OTOA: variants seen among roughly 807,000 people sequenced by gnomAD.
OTOA encodes cancer/testis antigen 108.
In OTOA, 70 loss-of-function variants were observed where a neutral mutation model predicts 110.8. The ratio of observed to expected loss-of-function variants is 0.63; its 90% CI spans 0.52 to 0.77. The LOEUF is 0.77. Ranked by LOEUF, OTOA falls within the 30% of genes least tolerant of loss-of-function variation. OTOA has a pLI of 0.00. For missense variants in OTOA, 917 were observed against 1,075.8 expected (o/e 0.85, Z 2.06); for synonymous variants, 373 against 431.5 (o/e 0.86, Z 1.68).
At chr16:21,665,013 T>TAAATAAACAAAC (rs1472493254) in intron 1 of OTOA, among the ~76,000 whole-genome samples, 12 of 151,574 alleles carry the variant, frequency 7.9e-5, no homozygotes, top group African/African-American at 2.9e-4. Flanking sequence ...AATAAATAAA[T>TAAATAAACAAAC]AAACAAATAA....
chr16:21,700,835 C>G (rs2141675558), intron 10 of OTOA, 53 bp from the exon 11 acceptor site: 2 of 1,611,746 alleles, frequency 1.2e-6, no homozygotes, highest in Non-Finnish European at 1.7e-6. Context: ...TGGGGCCACA[C>G]TGGGCCACTT....
At chr16:21,685,182 C>G in intron 6 of OTOA, 48 bp from the exon 7 acceptor site, 1 of 1,605,216 alleles carries the variant, frequency 6.2e-7, no homozygotes, top group South Asian at 1.1e-5. Flanking sequence ...TGACCATGTG[C>G]TCCTGCTCTT....
chr16:21,692,575 G>A (rs978824477), intron 9 of OTOA, among the ~76,000 whole-genome samples: 28 of 152,026 alleles, frequency 1.8e-4, no homozygotes, highest in African/African-American at 6.0e-4. Context: ...TGGTAGTGAC[G>A]GTTGCACAAT....
At chr16:21,676,722 G>C (rs1481333963) in intron 1 of OTOA, among the ~76,000 whole-genome samples, 1 of 152,158 alleles carries the variant, frequency 6.6e-6, no homozygotes, top group East Asian at 1.9e-4. Flanking sequence ...TCCTCTCCAA[G>C]TATTCTTCTT....
intron 22 of OTOA, among the ~76,000 whole-genome samples, chr16:21,736,991 C>T (rs1260734194): frequency 3.3e-5 from 5 of 152,292 alleles, no homozygotes; most frequent in Non-Finnish European, 5.9e-5. Flanking sequence ...AGTGACAGGG[C>T]CGGGCTGGCT....
At chr16:21,675,063 GTCTTTCTTTCTT>G (rs199797416) in intron 1 of OTOA, among the ~76,000 whole-genome samples, 6,742 of 123,218 alleles carry the variant, frequency 0.055, 208 homozygotes, top group Non-Finnish European at 0.068. Context: ...TTTTCTTTCT[GTCTTTCTTTCTT>G]TCTTTCTTTC....
chr16:21,722,798 T>C, intron 17 of OTOA, 107 bp from the exon 18 acceptor site: 2 of 993,930 alleles, frequency 2.0e-6, no homozygotes, highest in Non-Finnish European at 3.2e-6. Flanking sequence ...CTCTATTGCA[T>C]AAATGAACAC....
Position 21,715,305 on chromosome 16 carries a change from C to T in OTOA, c.1488+153C>T, listed in dbSNP as rs185587966. Reference sequence around the variant, plus strand: ...GGCTCTGCCTTCTCCTGGTGGCACACCTTCCTTCCTTTCCAGACGGAGCCC... The same window carrying T: ...GGCTCTGCCTTCTCCTGGTGGCACATCTTCCTTCCTTTCCAGACGGAGCCC... On this transcript the variant is annotated intron_variant, in intron 14 of 28. Transcript: ENST00000646100. Among the ~76,000 whole-genome samples the T allele has an allele frequency of 9.8e-5, 15 of 152,294 alleles. No homozygotes were observed. In the East Asian group the frequency reaches 1.9e-3, roughly 20 times the overall value.
chr16:21,710,093 C>T lies in OTOA; in HGVS notation c.1310C>T (p.Ala437Val). ...QVIILSAKYL[A>V]HEKVLSFYNV... Reference sequence around the variant, plus strand: ...ATCATCTTGTCTGCCAAATACTTGGCCCATGAGAAGGTCAGCTGGAGTTTT... The same window carrying T: ...ATCATCTTGTCTGCCAAATACTTGGTCCATGAGAAGGTCAGCTGGAGTTTT... Residue 437 changes from alanine to valine, a missense_variant, in exon 13 of 29, where the codon GCC (alanine) becomes GTC (valine). Ala to Val is a moderately conservative substitution (Grantham distance 64). Around this residue, in one of 6 missense-constraint regions of OTOA, gnomAD observed 840 missense variants for 910.2 expected, o/e 0.92. Transcript: ENST00000646100. 2 of 1,612,520 alleles carry T rather than the reference C, an allele frequency of 1.2e-6. No homozygotes were observed. Among genetic ancestry groups the T allele is most frequent in the South Asian group, 1.1e-5 (1 of 90,790 alleles).
intron 19 of OTOA, 27 bp from the exon 20 acceptor site, chr16:21,728,214 C>T: frequency 1.2e-6 from 2 of 1,613,758 alleles, no homozygotes; most frequent in South Asian, 2.2e-5. Flanking sequence ...GTTGGAACTG[C>T]CCATTGGCTC....
rs537121825 is a variant in OTOA at position 21,700,311 on chromosome 16, A to G, written c.841-577A>G. On this transcript the variant is annotated intron_variant, in intron 10 of 28. Coordinates refer to ENST00000646100, the MANE Select transcript of OTOA (RefSeq NM_144672.4). ...CCTCCATATAACAAATCTAGAAATA[A>G]ATGTGCAAAGATTAGCTTTTAAAAA... Among the ~76,000 whole-genome samples, 199 of 152,270 alleles carry G rather than the reference A, an allele frequency of 1.3e-3. 1 individual carries two copies. The highest frequency in any genetic ancestry group is 2.5e-3 in the Non-Finnish European group (169 of 68,020).
rs542520515 is a variant in OTOA at position 21,707,713 on chromosome 16, T to G, written c.1105-2175T>G. ...TTTCTTCCCTCCTTCCTTCCTTTCT[T>G]TCTTCTCTTTCTCACTCTCTCTCTT... is the stretch of plus-strand genomic sequence containing the variant. On this transcript the variant is annotated intron_variant, in intron 12 of 28. Transcript: ENST00000646100. 2.3e-4 allele frequency among the ~76,000 whole-genome samples: 34 copies of G among 147,324 alleles called. No homozygotes were observed. In the South Asian group the frequency reaches 7.6e-3, roughly 33 times the overall value.
At chr16:21,687,723 A>G in intron 8 of OTOA, 75 bp downstream of exon 8, 1 of 1,290,688 alleles carries the variant, frequency 7.7e-7, no homozygotes, top group South Asian at 1.3e-5. Context: ...GTTGGAGTGC[A>G]GTGGTGCAGT....
intron 10 of OTOA, 92 bp downstream of exon 10, chr16:21,697,967 AGGTGCCTT>A: frequency 8.7e-7 from 1 of 1,155,030 alleles, no homozygotes; most frequent in South Asian, 1.3e-5. Flanking sequence ...CAGCCAGTCA[AGGTGCCTT>A]GGAAATTGTG....
At chr16:21,691,976 A>G (rs1227111087) in intron 9 of OTOA, among the ~76,000 whole-genome samples, 2 of 152,178 alleles carry the variant, frequency 1.3e-5, no homozygotes, top group Non-Finnish European at 2.9e-5. Context: ...CTTAGATTCA[A>G]TGTGAACCTT....
rs774818595 is a variant in OTOA at position 21,717,068 on chromosome 16, T to G, written c.1629+21T>G. On this transcript the variant is annotated intron_variant, in intron 15 of 28. Transcript: ENST00000646100. ...GCCAGGTATTACCATGAAACACAGA[T>G]CGATCCTGTATTTCTGACTATCTGT... The G allele has an allele frequency of 8.7e-6, 14 of 1,613,660 alleles. No individual in the cohort carries two copies. The Admixed American group carries it at 1.5e-4, about 17-fold the overall frequency.
intron 11 of OTOA, among the ~76,000 whole-genome samples, chr16:21,701,472 G>T (rs932308461): frequency 6.6e-6 from 1 of 152,162 alleles, no homozygotes; most frequent in African/African-American, 2.4e-5. Context: ...ATCAGCTCTA[G>T]AATTTAGTGA....
chr16:21,734,499 G>T (rs548536367), intron 21 of OTOA, among the ~76,000 whole-genome samples: 2 of 151,168 alleles, frequency 1.3e-5, no homozygotes, highest in African/African-American at 2.4e-5. Context: ...TAACAAACCT[G>T]CCATGTACCC....
At position 21,714,375 on chromosome 16, in the gene OTOA, CTT is replaced by C. The variant is rs1567384427; in HGVS notation, c.1321-608_1321-607del. On this transcript the variant is annotated intron_variant, in intron 13 of 28. Coordinates refer to ENST00000646100, the MANE Select transcript of OTOA (RefSeq NM_144672.4). ...TTTCCTTCTCTCTTTCTTTCTCTCT[CTT>C]TCTCTCTTTCTCTCTTTCTTTCTCT... Among the ~76,000 whole-genome samples, 10 of 111,652 alleles carry C rather than the reference CTT, an allele frequency of 9.0e-5. 1 individual carries two copies. The highest frequency in any genetic ancestry group is 3.1e-4 in the African/African-American group (10 of 32,064). The allele number at this position is 111,652 out of a possible 152,430, so 73.2% of individuals were successfully genotyped here.
Sources: allele counts gnomAD v4.1 joint callset (sites outside exome capture counted in the v4.1 genomes callset), GRCh38; gene constraint gnomAD v4.1.1; regional missense constraint gnomAD v4.1.1; transcripts MANE v1.5; gene names NCBI Gene and HGNC (gene_info 2026-07-23, HGNC 2026-07-21).